Variants in ZNF395 observed in about 807,000 individuals in gnomAD.
The protein encoded by ZNF395 is HD gene regulatory region-binding protein 2.
Under a neutral mutation model 57.7 loss-of-function variants are expected in ZNF395, and 20 were observed. The ratio of observed to expected loss-of-function variants is 0.35; its 90% CI spans 0.24 to 0.50. ZNF395 has a LOEUF of 0.50. Among genes scored for constraint, ZNF395 ranks in the 20% least tolerant of loss-of-function variants. ZNF395 has a pLI of 0.97. For synonymous variants in ZNF395, 295 were observed against 275.9 expected, an observed-to-expected ratio of 1.07 and a Z score of -0.69; for missense variants, 606 against 671.2, an observed-to-expected ratio of 0.90 and a Z score of 1.07.
chr8:28,353,362 C>G lies in ZNF395; in HGVS notation c.630G>C (p.Ser210=). 6.3e-7 allele frequency: 1 copy of G among 1,591,866 alleles called. No individual in the cohort carries two copies. Among genetic ancestry groups the G allele is most frequent in the Non-Finnish European group, 8.6e-7 (1 of 1,168,290 alleles). The part of the protein sequence containing the change: ...CDPWKESGDI[S]DSGSSTTSGH... The stretch of plus-strand genomic sequence containing the variant: ...CGCTGGTAGTGCTGCTGCCGCTGTC[C>G]GAGATGTCACCACTCTCCTTCCATG... The change falls in exon 5 of 10, where the codon TCG becomes TCC. Residue 210 remains serine (S), a synonymous_variant. Transcript: ENST00000344423.
intron 1 of ZNF395, among the ~76,000 whole-genome samples, chr8:28,361,697 T>A (rs972767384): frequency 6.6e-6 from 1 of 152,130 alleles, no homozygotes; most frequent in Non-Finnish European, 1.5e-5. Context: ...GTAGGGCAAC[T>A]TCCAGGATAC....
At position 28,351,708 on chromosome 8, in the gene ZNF395, G is replaced by A. The variant is rs764462418; in HGVS notation, c.1020C>T (p.Ala340=). Residue 340 remains alanine, a synonymous_variant, in exon 7 of 10, where the codon GCC becomes GCT. Coordinates refer to ENST00000344423, the MANE Select transcript of ZNF395 (RefSeq NM_018660.3). The part of the protein sequence containing the change: ...EESAAAAAAA[A]AGTPVPGTPT... Reference sequence around the variant, plus strand: ...GAGTCCCAGGGACTGGGGTGCCTGCGGCAGCAGCAGCAGCAGCAGCAGCAG... The same window carrying A: ...GAGTCCCAGGGACTGGGGTGCCTGCAGCAGCAGCAGCAGCAGCAGCAGCAG... 9.9e-6 allele frequency: 16 copies of A among 1,608,838 alleles called. No individual in the cohort carries two copies. The highest frequency in any genetic ancestry group is 1.6e-4 in the Middle Eastern group (1 of 6,080).
intron 1 of ZNF395, among the ~76,000 whole-genome samples, chr8:28,361,763 C>T (rs1801852563): frequency 6.6e-6 from 1 of 152,168 alleles, no homozygotes. Context: ...GATTCTCAAG[C>T]TCAGCAGGCT....
intron 4 of ZNF395, among the ~76,000 whole-genome samples, chr8:28,354,980 T>C (rs1367882188): frequency 6.6e-6 from 1 of 151,792 alleles, no homozygotes; most frequent in Admixed American, 6.6e-5. Context: ...ATGCATGAAA[T>C]CTGCATGGCA....
At chr8:28,367,001 T>G (rs1420090270) in intron 1 of ZNF395, among the ~76,000 whole-genome samples, 2 of 151,716 alleles carry the variant, frequency 1.3e-5, no homozygotes, top group African/African-American at 4.9e-5. Flanking sequence ...AAGAGGGGTG[T>G]GGTGTGTACT....
chr8:28,366,337 A>G (rs986219401), intron 1 of ZNF395, among the ~76,000 whole-genome samples: 4 of 152,196 alleles, frequency 2.6e-5, no homozygotes, highest in African/African-American at 9.7e-5. Context: ...TAACCATATC[A>G]TTCTTTATCT....
rs1326292849 is a variant in ZNF395 at position 28,350,124 on chromosome 8, T to C, written c.1266A>G (p.Pro422=). Residue 422 remains proline (P), a synonymous_variant, in exon 8 of 10, where the codon CCA becomes CCG. Transcript: ENST00000344423. ...CCCAGCTGACACTGGTGTAGATGTG[T>C]GGTGAGACTGGGATCTGGAAGGATG... ...ALPSFQIPVS[P]HIYTSVSWAA... is the part of the protein sequence containing the mutation. The C allele has an allele frequency of 6.2e-7, 1 of 1,605,452 alleles. No individual in the cohort carries two copies. Among genetic ancestry groups the C allele is most frequent in the Non-Finnish European group, 8.5e-7 (1 of 1,177,340 alleles).
chr8:28,375,727 A>C (rs1243524046), intron 1 of ZNF395, among the ~76,000 whole-genome samples: 2 of 152,214 alleles, frequency 1.3e-5, no homozygotes, highest in Non-Finnish European at 2.9e-5. Context: ...TGCAAGGAGC[A>C]TGAGTACCAT....
intron 1 of ZNF395, among the ~76,000 whole-genome samples, chr8:28,368,740 G>A (rs1423139173): frequency 2.0e-5 from 3 of 150,954 alleles, no homozygotes; most frequent in Admixed American, 6.6e-5. Context: ...GCCTAACAAC[G>A]CCCCAGGTGC....
At chr8:28,357,684 A>G (rs1563337938) in intron 3 of ZNF395, among the ~76,000 whole-genome samples, 1 of 152,200 alleles carries the variant, frequency 6.6e-6, no homozygotes, top group Non-Finnish European at 1.5e-5. Flanking sequence ...TGATCTTTGA[A>G]TTTTCATTTC....
At position 28,351,705 on chromosome 8, in the gene ZNF395, TGCG is replaced by T; in HGVS notation, c.1020_1022del (p.Ala341del). The T allele has an allele frequency of 6.2e-7, 1 of 1,610,434 alleles. No homozygotes were observed. ...TGGGAGTCCCAGGGACTGGGGTGCC[TGCG>T]GCAGCAGCAGCAGCAGCAGCAGCAG... On this transcript the variant is annotated inframe_deletion, in exon 7 of 10. Coordinates refer to ENST00000344423, the MANE Select transcript of ZNF395 (RefSeq NM_018660.3).
intron 7 of ZNF395, 53 bp downstream of exon 7, chr8:28,351,442 G>GC: frequency 6.6e-7 from 1 of 1,512,688 alleles, no homozygotes; most frequent in Non-Finnish European, 8.9e-7. Flanking sequence ...AATCAAGCTG[G>GC]CCCGTGATGA....
chr8:28,356,597 G>T lies in ZNF395; in HGVS notation c.583+73C>A. On this transcript the variant is annotated intron_variant, in intron 4 of 9. Transcript: ENST00000344423. This position sits in a 1 kb window ranked among gnomAD's most constrained non-coding sequence, Gnocchi z 4.0. ...GCCAGGCTGGTGACATAGGCAACTA[G>T]CTGCTCTGCACAGAGGATGTTTGTC... The T allele has an allele frequency of 8.8e-7, 1 of 1,134,482 alleles. No homozygotes were observed. The highest frequency in any genetic ancestry group is 1.3e-6 in the Non-Finnish European group (1 of 783,130). The allele number at this position is 1,134,482 out of a possible 1,614,324, so 70.3% of individuals were successfully genotyped here. A position where few individuals can be genotyped will look rare whatever the true frequency, so the allele number is the denominator to read the frequency against.
rs1801822025 is a variant in ZNF395 at position 28,359,513 on chromosome 8, C to T, written c.473+79G>A. On this transcript the variant is annotated intron_variant, in intron 3 of 9. Transcript: ENST00000344423. The surrounding 1 kb of genome is among the most constrained non-coding windows in gnomAD (Gnocchi z 4.7). ...GATGCCAATGACACCACATTTCTTCCCCACCACAACACAGCCCACACCCTT... is the reference window on the plus strand; with the variant it reads ...GATGCCAATGACACCACATTTCTTCTCCACCACAACACAGCCCACACCCTT... The T allele has an allele frequency of 2.0e-6, 3 of 1,471,234 alleles. No homozygotes were observed. In the East Asian group the frequency reaches 7.1e-5, roughly 35 times the overall value. 91.1% of individuals were successfully genotyped at this position (1,471,234 alleles called of 1,614,324 possible). A position where few individuals can be genotyped will look rare whatever the true frequency, so the allele number is the denominator to read the frequency against.
chr8:28,383,791 C>G lies in ZNF395; in HGVS notation c.-59+2602G>C, dbSNP rs115077933. ...CTGTAGCCTCTGCAACACTGTCCCC[C>G]CTGGGCTCCCCCATCTCAGAGCCAT... On this transcript the variant is annotated intron_variant, in intron 1 of 9. Coordinates refer to ENST00000344423, the MANE Select transcript of ZNF395 (RefSeq NM_018660.3). Among the ~76,000 whole-genome samples the G allele has an allele frequency of 1.1e-3, 166 of 152,280 alleles. 2 individuals are homozygous for G. Among genetic ancestry groups the G allele is most frequent in the African/African-American group, 3.8e-3 (158 of 41,528 alleles).
rs148548870 is a variant in ZNF395 at position 28,351,531 on chromosome 8, C to T, written c.1197G>A (p.Gly399=). 3.4e-4 allele frequency: 555 copies of T among 1,612,686 alleles called. 2 individuals are homozygous for T. The African/African-American group carries it at 5.7e-3, about 17-fold the overall frequency. The stretch of plus-strand genomic sequence containing the variant: ...GATCTGCCTGAATGTGCCAGAAGGA[C>T]CCAGGAGCTGACTTGCTGAGAGCCC... ...PSGALSKSAP[G]SFWHIQADHA... Residue 399 remains glycine (G), a synonymous_variant, in exon 7 of 10, where the codon GGG becomes GGA. Coordinates refer to ENST00000344423, the MANE Select transcript of ZNF395 (RefSeq NM_018660.3).
intron 1 of ZNF395, among the ~76,000 whole-genome samples, chr8:28,367,026 TACAA>T (rs1363466239): frequency 3.0e-4 from 46 of 152,150 alleles, no homozygotes. Flanking sequence ...ATTTTCACAG[TACAA>T]GCTTCAGACA....
At chr8:28,377,616 C>T (rs1186267427) in intron 1 of ZNF395, among the ~76,000 whole-genome samples, 1 of 151,928 alleles carries the variant, frequency 6.6e-6, no homozygotes, top group Admixed American at 6.6e-5. Context: ...ATCCACAGTG[C>T]GGGACAGGAA....
In ZNF395 at chr8:28,356,867, T is replaced by C; in HGVS notation, c.474-88A>G. 1 of 1,035,536 alleles carries C rather than the reference T, an allele frequency of 9.7e-7. No individual in the cohort carries two copies. The highest frequency in any genetic ancestry group is 1.5e-5 in the South Asian group (1 of 65,542). 64.1% of individuals were successfully genotyped at this position (1,035,536 alleles called of 1,614,324 possible). A position where few individuals can be genotyped will look rare whatever the true frequency, so the allele number is the denominator to read the frequency against. Reference sequence around the variant, plus strand: ...AAAACGAGACACCACTTCTGGCTGGTTTCACACAATCATCTTACACTTCTG... The same window carrying C: ...AAAACGAGACACCACTTCTGGCTGGCTTCACACAATCATCTTACACTTCTG... On this transcript the variant is annotated intron_variant, in intron 3 of 9. Transcript: ENST00000344423. The surrounding 1 kb of genome is among the most constrained non-coding windows in gnomAD (Gnocchi z 4.0).
Sources: gnomAD v4.1 joint callset for allele counts (sites outside exome capture counted in the v4.1 genomes callset) on GRCh38, gnomAD v4.1.1 for gene constraint, Gnocchi (gnomAD v3.1) non-coding constraint, MANE v1.5 for transcripts, NCBI Gene and HGNC (gene_info 2026-07-23, HGNC 2026-07-21) for gene names.